ITPR1: variants seen among roughly 807,000 people sequenced by gnomAD.
The protein encoded by ITPR1 is inositol 1,4,5-trisphosphate-gated calcium channel ITPR1.
ITPR1 carries 96 observed loss-of-function variants against 318.4 expected under a neutral mutation model. The ratio of observed to expected loss-of-function variants is 0.30; its 90% confidence interval spans 0.26 to 0.36. The LOEUF (loss-of-function observed/expected upper bound fraction) is 0.36. ITPR1 is among the 10% of genes least tolerant of loss of function. The pLI is 1.00. For missense variants in ITPR1, 2,440 were observed against 3,460.2 expected, an observed-to-expected ratio of 0.71 and a Z score of 7.40; for synonymous variants, 1,312 against 1,289.9, an observed-to-expected ratio of 1.02 and a Z score of -0.37.
At chr3:4,701,641 ACCT>A (rs1321054163) in intron 35 of ITPR1, among the ~76,000 whole-genome samples, 1 of 151,834 alleles carries the variant, frequency 6.6e-6, no homozygotes, top group Non-Finnish European at 1.5e-5. Context: ...CTTGCAGTTG[ACCT>A]CCTGCTTTGC....
chr3:4,593,420 G>A (rs1481038223), intron 4 of ITPR1, among the ~76,000 whole-genome samples: 1 of 152,208 alleles, frequency 6.6e-6, no homozygotes, highest in Non-Finnish European at 1.5e-5. Context: ...ACCTCAAGAA[G>A]GCGAGAGATC....
chr3:4,671,206 G>C (rs137924408), intron 20 of ITPR1, among the ~76,000 whole-genome samples: 3 of 152,180 alleles, frequency 2.0e-5, no homozygotes, highest in African/African-American at 7.2e-5. Flanking sequence ...TGGTAGGTAC[G>C]TAAGAGGCAG....
intron 39 of ITPR1, among the ~76,000 whole-genome samples, chr3:4,715,937 A>G (rs759928948): frequency 6.6e-6 from 1 of 152,186 alleles, no homozygotes; most frequent in Non-Finnish European, 1.5e-5. Flanking sequence ...AATCATGACC[A>G]CTTAGGAATA....
At chr3:4,796,734 G>A (rs546182838) in intron 53 of ITPR1, among the ~76,000 whole-genome samples, 1 of 152,234 alleles carries the variant, frequency 6.6e-6, no homozygotes, top group Admixed American at 6.5e-5. Context: ...GACTTAGGAA[G>A]TCCAGAGACT....
At chr3:4,823,580 C>T (rs2049862908) in intron 60 of ITPR1, among the ~76,000 whole-genome samples, 1 of 152,000 alleles carries the variant, frequency 6.6e-6, no homozygotes, top group East Asian at 1.9e-4. Context: ...TGCATGTTCT[C>T]ATTTATATGT....
chr3:4,524,132 A>G (rs890184230), intron 4 of ITPR1, among the ~76,000 whole-genome samples: 13 of 152,284 alleles, frequency 8.5e-5, no homozygotes, highest in Admixed American at 2.6e-4. Flanking sequence ...CCTTAATTCC[A>G]TGTGCTAAAC....
In ITPR1 at chr3:4,639,826, T is replaced by C. The variant is rs570885163; in HGVS notation, c.366+356T>C. On this transcript the variant is annotated intron_variant, in intron 6 of 61. Coordinates refer to ENST00000649015, the MANE Select transcript of ITPR1 (RefSeq NM_001378452.1). ...CGGTGAAAATTAGCTTCCCTATAAC[T>C]TTTATCTACTGGCCTAAAACAGCTG... 1.3e-5 allele frequency among the ~76,000 whole-genome samples: 2 copies of C among 152,216 alleles called. 1 individual carries two copies. The highest frequency in any genetic ancestry group is 4.1e-4 in the South Asian group (2 of 4,832).
Position 4,674,337 on chromosome 3 carries a change from G to T in ITPR1, c.2592G>T (p.Thr864=). 6.2e-7 allele frequency: 1 copy of T among 1,606,120 alleles called. No homozygotes were observed. Among genetic ancestry groups the T allele is most frequent in the African/African-American group, 1.3e-5 (1 of 74,812 alleles). Residue 864 remains threonine, a synonymous_variant, in exon 22 of 62, where the codon ACG becomes ACT. Coordinates refer to ENST00000649015, the MANE Select transcript of ITPR1 (RefSeq NM_001378452.1). ...PFSDKEKNKL[T]FEVVNLARNL... The stretch of plus-strand genomic sequence containing the variant: ...CTGATAAAGAGAAGAATAAGCTTAC[G>T]TTTGAGGTAACTCATGATGAAATCT...
intron 2 of ITPR1, among the ~76,000 whole-genome samples, chr3:4,513,814 G>A (rs558560055): frequency 2.4e-4 from 37 of 152,198 alleles, no homozygotes; most frequent in Admixed American, 2.2e-3. Flanking sequence ...GGTTGGGTGC[G>A]GTGGCTTTTG....
chr3:4,691,470 G>A, intron 32 of ITPR1, 126 bp downstream of exon 32: 1 of 629,500 alleles, frequency 1.6e-6, no homozygotes, highest in Non-Finnish European at 2.8e-6. Context: ...AAGTAATTGT[G>A]TGTGCATATG....
chr3:4,641,636 G>A (rs762135946), intron 6 of ITPR1, among the ~76,000 whole-genome samples: 11 of 152,128 alleles, frequency 7.2e-5, no homozygotes, highest in East Asian at 1.9e-4. Flanking sequence ...TCTGCCTCCC[G>A]AAGTGCTGGG....
At chr3:4,602,496 C>G (rs1404647570) in intron 4 of ITPR1, among the ~76,000 whole-genome samples, 1 of 146,606 alleles carries the variant, frequency 6.8e-6, no homozygotes, top group Non-Finnish European at 1.5e-5. Context: ...CCATTGCACT[C>G]TAGCCTGGGT....
chr3:4,783,996 G>A (rs1420915594), intron 51 of ITPR1, 76 bp downstream of exon 51: 15 of 987,200 alleles, frequency 1.5e-5, no homozygotes, highest in Admixed American at 8.8e-5. Context: ...TGGGGCTGGC[G>A]TGCATTCATT....
chr3:4,772,233 G>A (rs888108744), intron 46 of ITPR1, among the ~76,000 whole-genome samples: 1 of 152,246 alleles, frequency 6.6e-6, no homozygotes, highest in Non-Finnish European at 1.5e-5. Context: ...CGGAGGGAAG[G>A]AGAAGGCATT....
At chr3:4,696,364 G>T (rs778567936) in intron 33 of ITPR1, among the ~76,000 whole-genome samples, 3 of 152,272 alleles carry the variant, frequency 2.0e-5, no homozygotes, top group African/African-American at 2.4e-5. Context: ...TCATACACAT[G>T]TGGTCTTTTA....
Position 4,706,178 on chromosome 3 carries a change from G to A in ITPR1, c.4669G>A (p.Ala1557Thr). 6.2e-6 allele frequency: 10 copies of A among 1,614,038 alleles called. No individual in the cohort carries two copies. Among genetic ancestry groups the A allele is most frequent in the Non-Finnish European group, 8.5e-6 (10 of 1,179,902 alleles). ...RVLSDVAKSR[A>T]IAIPVDLDSQ... ...TTTCTCCTGTGCAGCCAAGAGCCGG[G>A]CCATTGCCATTCCCGTGGACCTGGA... The change falls in exon 37 of 62, where the codon GCC (alanine) becomes ACC (threonine). Residue 1557 changes from alanine (A) to threonine (T), a missense_variant. By Grantham distance (58) the Ala-to-Thr change is moderately conservative. This residue lies in a region of ITPR1 where 166 missense variants were observed against 246.5 expected (regional missense o/e 0.67). Transcript: ENST00000649015.
intron 4 of ITPR1, among the ~76,000 whole-genome samples, chr3:4,573,965 C>T (rs1279132455): frequency 1.3e-5 from 2 of 152,164 alleles, no homozygotes; most frequent in Non-Finnish European, 2.9e-5. Context: ...AAAAGATGCT[C>T]AATAACTATT....
At chr3:4,711,504 A>G in intron 38 of ITPR1, 3 of 395,772 alleles carry the variant, frequency 7.6e-6, no homozygotes, top group African/African-American at 2.1e-5. Context: ...CTCTCCATAT[A>G]ATCTCTCCAT....
In ITPR1 at chr3:4,681,434, G is replaced by A. The variant is rs1315893375; in HGVS notation, c.3161+16G>A. ...TTGGAGGAAGGAAAGTATATTTTCAGTTACTGTTTTGTAGGGAAGGCTGCT... is the reference window on the plus strand; with the variant it reads ...TTGGAGGAAGGAAAGTATATTTTCAATTACTGTTTTGTAGGGAAGGCTGCT... On this transcript the variant is annotated intron_variant, in intron 26 of 61. Transcript: ENST00000649015. The A allele has an allele frequency of 6.3e-7, 1 of 1,590,534 alleles. No homozygotes were observed. Among genetic ancestry groups the A allele is most frequent in the African/African-American group, 1.3e-5 (1 of 74,414 alleles).
Sources: gnomAD v4.1 joint callset for allele counts (sites outside exome capture counted in the v4.1 genomes callset) on GRCh38, gnomAD v4.1.1 for gene constraint, gnomAD v4.1.1 regional missense constraint, MANE v1.5 for transcripts, NCBI Gene and HGNC (gene_info 2026-07-23, HGNC 2026-07-21) for gene names.